Variants in PLCB1 observed in about 807,000 individuals in gnomAD.
PLCB1 encodes 1-phosphatidylinositol 4,5-bisphosphate phosphodiesterase beta-1.
Under a neutral mutation model 161.8 loss-of-function variants are expected in PLCB1, and 46 were observed. That is an observed-to-expected ratio of 0.28 (90% CI 0.22 to 0.36). The LOEUF (loss-of-function observed/expected upper bound fraction) is 0.36. Among genes scored for constraint, PLCB1 ranks in the 10% least tolerant of loss-of-function variants. The pLI, the probability that PLCB1 is intolerant of heterozygous loss-of-function variation, is 1.00. For missense variants in PLCB1, 1,016 were observed against 1,472.5 expected (o/e 0.69, Z 5.07); for synonymous variants, 517 against 503.7 (o/e 1.03, Z -0.35).
intron 3 of PLCB1, among the ~76,000 whole-genome samples, chr20:8,491,973 G>C (rs1185030326): frequency 1.3e-5 from 2 of 149,664 alleles, no homozygotes; most frequent in African/African-American, 2.5e-5. Context: ...TGTTGTTTCA[G>C]GTTGTTGAGG....
chr20:8,874,246 A>ACACACACACG (rs1201155929), intron 31 of PLCB1, among the ~76,000 whole-genome samples: 1 of 137,084 alleles, frequency 7.3e-6, no homozygotes, highest in African/African-American at 2.7e-5. Context: ...ACACACACAC[A>ACACACACACG]CACACACACG....
intron 3 of PLCB1, among the ~76,000 whole-genome samples, chr20:8,589,168 G>A (rs1465800472): frequency 6.6e-6 from 1 of 151,080 alleles, no homozygotes; most frequent in Non-Finnish European, 1.5e-5. Context: ...ATTTTATCAG[G>A]GTAGACAGAA....
chr20:8,848,595 C>G (rs1986775601), intron 31 of PLCB1, among the ~76,000 whole-genome samples: 1 of 152,210 alleles, frequency 6.6e-6, no homozygotes, highest in Non-Finnish European at 1.5e-5. Flanking sequence ...TATATCACAT[C>G]TGGGTACCCC....
At chr20:8,315,705 G>C (rs767696955) in intron 2 of PLCB1, among the ~76,000 whole-genome samples, 2 of 152,012 alleles carry the variant, frequency 1.3e-5, no homozygotes, top group African/African-American at 4.8e-5. Flanking sequence ...TGTGTCTGCC[G>C]GTCTTGCTTA....
chr20:8,267,959 T>TTTA (rs149671843), intron 2 of PLCB1, among the ~76,000 whole-genome samples: 11,651 of 148,630 alleles, frequency 0.078, 534 homozygotes, highest in East Asian at 0.19. Context: ...TCCATCTGTC[T>TTTA]TTATTATTAT....
intron 10 of PLCB1, among the ~76,000 whole-genome samples, chr20:8,695,433 G>A (rs935028002): frequency 6.6e-6 from 1 of 152,166 alleles, no homozygotes; most frequent in African/African-American, 2.4e-5. Flanking sequence ...CAAATGTGGT[G>A]GTTTATACCT....
At chr20:8,801,495 T>C (rs925269455) in intron 31 of PLCB1, among the ~76,000 whole-genome samples, 5 of 152,192 alleles carry the variant, frequency 3.3e-5, no homozygotes, top group Non-Finnish European at 7.3e-5. Context: ...GAAGAGGCTT[T>C]GTCTGTTTCG....
intron 31 of PLCB1, among the ~76,000 whole-genome samples, chr20:8,867,745 G>A (rs1259472071): frequency 2.6e-5 from 4 of 152,080 alleles, no homozygotes; most frequent in Non-Finnish European, 5.9e-5. Flanking sequence ...GAATTTGAGT[G>A]TTTTACACAA....
intron 2 of PLCB1, among the ~76,000 whole-genome samples, chr20:8,173,281 A>G (rs759188721): frequency 6.6e-6 from 1 of 152,292 alleles, no homozygotes; most frequent in African/African-American, 2.4e-5. Flanking sequence ...CGCTTGGCCC[A>G]TGAAGCCTAT....
intron 2 of PLCB1, among the ~76,000 whole-genome samples, chr20:8,151,401 C>T (rs1237467862): frequency 1.3e-5 from 2 of 152,174 alleles, no homozygotes; most frequent in African/African-American, 4.8e-5. Context: ...AGGGCCACTC[C>T]TGAATGAGCC....
At chr20:8,484,963 G>A (rs1982659750) in intron 3 of PLCB1, among the ~76,000 whole-genome samples, 1 of 152,168 alleles carries the variant, frequency 6.6e-6, no homozygotes, top group Admixed American at 6.5e-5. Context: ...AACTTGCTAT[G>A]TGGCCTGAAG....
intron 3 of PLCB1, among the ~76,000 whole-genome samples, chr20:8,539,618 TTC>T (rs150694316): frequency 0.012 from 659 of 56,744 alleles, 5 homozygotes; most frequent in African/African-American, 0.048. Context: ...TTTCTTTATT[TTC>T]TTTCTTTCTT....
intron 3 of PLCB1, among the ~76,000 whole-genome samples, chr20:8,611,064 A>T (rs1224582464): frequency 6.6e-6 from 1 of 152,024 alleles, no homozygotes; most frequent in Non-Finnish European, 1.5e-5. Context: ...CCTAGGATTT[A>T]TATTAGTAAG....
At chr20:8,669,369 C>A (rs1989890769) in intron 9 of PLCB1, among the ~76,000 whole-genome samples, 1 of 152,282 alleles carries the variant, frequency 6.6e-6, no homozygotes. Context: ...GACAAGTCTT[C>A]AAGTGCATAT....
intron 2 of PLCB1, among the ~76,000 whole-genome samples, chr20:8,335,334 T>G (rs987383095): frequency 5.9e-5 from 9 of 152,224 alleles, no homozygotes; most frequent in African/African-American, 2.2e-4. Context: ...CACGACATGC[T>G]GACTTGTTGA....
intron 3 of PLCB1, among the ~76,000 whole-genome samples, chr20:8,449,032 G>A (rs1980959238): frequency 6.6e-6 from 1 of 152,182 alleles, no homozygotes; most frequent in Admixed American, 6.5e-5. Flanking sequence ...ACTAAAGTGA[G>A]AAGGGAAATC....
chr20:8,720,937 GT>G (rs1291557809), intron 14 of PLCB1, among the ~76,000 whole-genome samples: 1 of 151,414 alleles, frequency 6.6e-6, no homozygotes, highest in Non-Finnish European at 1.5e-5. Flanking sequence ...AAAAGAATGT[GT>G]CTCTAATATT....
At chr20:8,793,605 T>C (rs1983875115) in intron 31 of PLCB1, among the ~76,000 whole-genome samples, 1 of 151,964 alleles carries the variant, frequency 6.6e-6, no homozygotes, top group Admixed American at 6.6e-5. Context: ...GGAGGGAGTG[T>C]GCAAATAGGT....
At chr20:8,169,141 C>A (rs913370761) in intron 2 of PLCB1, among the ~76,000 whole-genome samples, 2 of 151,986 alleles carry the variant, frequency 1.3e-5, no homozygotes, top group Non-Finnish European at 2.9e-5. Context: ...AAGGCCATTA[C>A]CTAGTGAATG....
Sources: allele counts gnomAD v4.1 joint callset (sites outside exome capture counted in the v4.1 genomes callset), GRCh38; gene constraint gnomAD v4.1.1; transcripts MANE v1.5; gene names NCBI Gene and HGNC (gene_info 2026-07-23, HGNC 2026-07-21).